The following TECPR2 variants were observed in gnomAD, a reference collection of about 807,000 sequenced individuals.
The protein encoded by TECPR2 is tectonin beta-propeller repeat containing 2, also known as tectonin beta-propeller repeat-containing protein 2.
TECPR2 carries 65 observed loss-of-function variants against 138.1 expected under a neutral mutation model. The observed-to-expected ratio is 0.47, with a 90% CI of 0.39 to 0.58. The LOEUF (loss-of-function observed/expected upper bound fraction) is 0.58. TECPR2 is among the 20% of genes least tolerant of loss of function. The pLI is 0.00. For synonymous variants in TECPR2, 746 were observed against 749.8 expected (o/e 0.99, Z 0.08); for missense variants, 1,553 against 1,824.5 (o/e 0.85, Z 2.71).
chr14:102,457,373 C>T (rs796529179), intron 16 of TECPR2, among the ~76,000 whole-genome samples: 11 of 152,328 alleles, frequency 7.2e-5, no homozygotes, highest in African/African-American at 2.6e-4. Flanking sequence ...GTGTGAGCCA[C>T]TGCGCCTGAC....
Position 102,432,105 on chromosome 14 carries a change from G to GGAAGAA in TECPR2, c.1409_1414dup (p.Lys470_Lys471dup). 1 of 1,590,770 alleles carries GGAAGAA rather than the reference G, an allele frequency of 6.3e-7. No homozygotes were observed. Among genetic ancestry groups the GGAAGAA allele is most frequent in the Non-Finnish European group, 8.6e-7 (1 of 1,165,830 alleles). ...GTCGTGAAGCCTATCAAAGTGAAAAGGAAGAAGAAGAAGAAGAAGACAGGT... is the reference window on the plus strand; with the variant it reads ...GTCGTGAAGCCTATCAAAGTGAAAAGGAAGAAGAAGAAGAAGAAGAAGAAGACAGGT... On this transcript the variant is annotated inframe_insertion, in exon 8 of 20. Transcript: ENST00000359520.
At chr14:102,417,187 G>T (rs987489142) in intron 5 of TECPR2, among the ~76,000 whole-genome samples, 1 of 152,190 alleles carries the variant, frequency 6.6e-6, no homozygotes, top group Non-Finnish European at 1.5e-5. Context: ...GAAGGAGAGA[G>T]ATTTTACTGA....
intron 16 of TECPR2, among the ~76,000 whole-genome samples, chr14:102,461,522 CAA>C (rs112453386): frequency 0.019 from 2,891 of 152,046 alleles, 110 homozygotes; most frequent in African/African-American, 0.065. Context: ...TTTTTTAAAA[CAA>C]GAGAAAAAAA....
chr14:102,437,938 T>A, intron 9 of TECPR2, 84 bp from the exon 10 acceptor site: 1 of 1,468,902 alleles, frequency 6.8e-7, no homozygotes, highest in Non-Finnish European at 9.2e-7. Flanking sequence ...GTTAATGATA[T>A]CCTCTCACCT....
intron 17 of TECPR2, among the ~76,000 whole-genome samples, chr14:102,466,386 A>G (rs766355816): frequency 2.6e-5 from 4 of 152,200 alleles, no homozygotes; most frequent in Non-Finnish European, 5.9e-5. Flanking sequence ...GAGGTTGTAC[A>G]TAATGAATTA....
intron 17 of TECPR2, among the ~76,000 whole-genome samples, chr14:102,491,987 C>T (rs1011306301): frequency 3.3e-5 from 5 of 152,218 alleles, no homozygotes; most frequent in Admixed American, 1.3e-4. Flanking sequence ...CCTTGGGCCA[C>T]ATGAGCCCTG....
chr14:102,380,382 A>G (rs1232103842), intron 2 of TECPR2, among the ~76,000 whole-genome samples: 2 of 152,268 alleles, frequency 1.3e-5, no homozygotes, highest in Admixed American at 6.5e-5. Flanking sequence ...CTATGAAGAA[A>G]TACCCAAGCC....
Position 102,500,503 on chromosome 14 carries a change from C to T in TECPR2, c.*2246C>T, listed in dbSNP as rs756549236. 4.6e-5 allele frequency: 7 copies of T among 152,276 alleles called. No individual in the cohort carries two copies. The highest frequency in any genetic ancestry group is 1.4e-4 in the African/African-American group (6 of 41,430). 9.4% of individuals were successfully genotyped at this position (152,276 alleles called of 1,614,324 possible). A position where few individuals can be genotyped will look rare whatever the true frequency, so the allele number is the denominator to read the frequency against. ...TGGTTCTGTATCTTCAGCCAGCAAA[C>T]GAAACCATATCGCAAACCAGAGCTG... On this transcript the variant is annotated 3_prime_UTR_variant, in exon 20 of 20. Transcript: ENST00000359520.
intron 17 of TECPR2, among the ~76,000 whole-genome samples, chr14:102,473,530 G>A (rs762923176): frequency 6.6e-6 from 1 of 152,232 alleles, no homozygotes; most frequent in Non-Finnish European, 1.5e-5. Context: ...AATGGAGGCA[G>A]GGGATAGATG....
intron 2 of TECPR2, among the ~76,000 whole-genome samples, chr14:102,394,815 G>A (rs934187440): frequency 2.0e-5 from 3 of 152,102 alleles, no homozygotes; most frequent in Non-Finnish European, 4.4e-5. Context: ...AGGTCTCGAC[G>A]GAGTCTGTCT....
At chr14:102,479,633 T>G (rs911372447) in intron 17 of TECPR2, among the ~76,000 whole-genome samples, 1 of 151,996 alleles carries the variant, frequency 6.6e-6, no homozygotes. Context: ...TGGGATGGAG[T>G]GGACATGGGG....
Position 102,435,060 on chromosome 14 carries a change from C to T in TECPR2, c.2243C>T (p.Thr748Ile). 1 of 1,614,104 alleles carries T rather than the reference C, an allele frequency of 6.2e-7. No individual in the cohort carries two copies. Among genetic ancestry groups the T allele is most frequent in the Non-Finnish European group, 8.5e-7 (1 of 1,180,044 alleles). Reference sequence around the variant, plus strand: ...CTTGAGCAGCCTCCACGGGATCAGACATTGACGTCCAGCGATGAGGAGGAC... The same window carrying T: ...CTTGAGCAGCCTCCACGGGATCAGATATTGACGTCCAGCGATGAGGAGGAC... ...PWLEQPPRDQTLTSSDEEDIY... is the reference protein window; with the variant it reads ...PWLEQPPRDQILTSSDEEDIY... Residue 748 changes from threonine to isoleucine, a missense_variant, in exon 9 of 20, where the codon ACA (threonine) becomes ATA (isoleucine). Transcript: ENST00000359520.
chr14:102,440,686 T>C (rs910491538), intron 11 of TECPR2, 77 bp downstream of exon 11: 7 of 1,506,724 alleles, frequency 4.6e-6, no homozygotes, highest in African/African-American at 1.4e-5. Context: ...GCTAGTAACA[T>C]GCTTACCACA....
chr14:102,436,895 C>A, intron 9 of TECPR2: 1 of 759,530 alleles, frequency 1.3e-6, no homozygotes, highest in Non-Finnish European at 1.6e-6. Flanking sequence ...GGGCGTTAGC[C>A]AGGCAGACTG....
rs1044351988 is a variant in TECPR2, at chr14:102,460,057, G to A, written c.3641-5084G>A. On this transcript the variant is annotated intron_variant, in intron 16 of 19. Transcript: ENST00000359520. ...AGGTTGAGGCAGGAGGATCACTTAAGGCCAGGAGTTTGAGACCAGCCTGAC... is the reference window on the plus strand; with the variant it reads ...AGGTTGAGGCAGGAGGATCACTTAAAGCCAGGAGTTTGAGACCAGCCTGAC... Among the ~76,000 whole-genome samples, 19 of 152,154 alleles carry A rather than the reference G, an allele frequency of 1.2e-4. No individual in the cohort carries two copies. In the East Asian group the frequency reaches 3.3e-3, roughly 26 times the overall value.
chr14:102,437,014 C>T (rs1296390867), intron 9 of TECPR2: 1 of 985,330 alleles, frequency 1.0e-6, no homozygotes, highest in Admixed American at 6.1e-5. Context: ...TTCCTCCCTT[C>T]CTCATCCCAC....
In TECPR2 at chr14:102,434,924, G is replaced by A. The variant is rs756429833; in HGVS notation, c.2107G>A (p.Asp703Asn). The A allele has an allele frequency of 2.5e-6, 4 of 1,613,868 alleles. No individual in the cohort carries two copies. Among genetic ancestry groups the A allele is most frequent in the Admixed American group, 3.3e-5 (2 of 60,024 alleles). Residue 703 changes from aspartate to asparagine, a missense_variant, in exon 9 of 20, where the codon GAT becomes AAT. Asp to Asn is a conservative substitution (Grantham distance 23). Transcript: ENST00000359520. ...CACAAATCTCTGGCATGCTGTCACT[G>A]ATGATGACACAGGTCAGAAAGAAAT... The part of the protein sequence containing the change: ...LSTNLWHAVT[D>N]DDTGQKEIPI...
chr14:102,401,868 T>C (rs1371667533), intron 2 of TECPR2, among the ~76,000 whole-genome samples: 1 of 137,898 alleles, frequency 7.3e-6, no homozygotes, highest in African/African-American at 2.7e-5. Context: ...GGTGAAAGGA[T>C]AGAAAAAGAT....
intron 2 of TECPR2, among the ~76,000 whole-genome samples, chr14:102,385,047 G>A (rs1473579999): frequency 4.0e-5 from 6 of 151,670 alleles, no homozygotes; most frequent in African/African-American, 9.7e-5. Context: ...AGTAGAGACA[G>A]GGTTTCACCA....
Sources: gnomAD v4.1 joint callset for allele counts (sites outside exome capture counted in the v4.1 genomes callset) on GRCh38, gnomAD v4.1.1 for gene constraint, MANE v1.5 for transcripts, NCBI Gene and HGNC (gene_info 2026-07-23, HGNC 2026-07-21) for gene names.